The following HOMER2 variants were observed in gnomAD, a reference collection of about 807,000 sequenced individuals.
The protein encoded by HOMER2 is homer protein homolog 2.
A neutral mutation model predicts 47.0 loss-of-function variants in HOMER2; 27 were observed. The observed-to-expected ratio is 0.57, with a 90% CI of 0.42 to 0.79. The LOEUF (loss-of-function observed/expected upper bound fraction) is 0.79. Ranked by LOEUF, HOMER2 falls within the 30% of genes least tolerant of loss-of-function variation. The probability of loss-of-function intolerance (pLI) is 0.00; values close to 1 mark genes in which losing one functional copy is unlikely to be tolerated. For synonymous variants in HOMER2, 161 were observed against 163.8 expected (o/e 0.98, Z 0.13); for missense variants, 443 against 435.0 (o/e 1.02, Z -0.16).
intron 1 of HOMER2, among the ~76,000 whole-genome samples, chr15:82,895,569 A>G (rs976013706): frequency 6.6e-6 from 1 of 152,260 alleles, no homozygotes; most frequent in Non-Finnish European, 1.5e-5. Flanking sequence ...CGTGAAAGGA[A>G]GGAGCAATTT....
At chr15:82,952,224 A>C in intron 1 of HOMER2, 2 of 233,594 alleles carry the variant, frequency 8.6e-6, no homozygotes, top group Non-Finnish European at 1.4e-5. Context: ...AGACCGCGGA[A>C]TGGCCGAGGC....
At chr15:82,861,026 AAAG>A (rs1316748408) in intron 4 of HOMER2, among the ~76,000 whole-genome samples, 1 of 149,770 alleles carries the variant, frequency 6.7e-6, no homozygotes, top group African/African-American at 2.5e-5. Flanking sequence ...CAAAAGAAAA[AAAG>A]AGAAGAGAAA....
At chr15:82,912,354 T>C (rs920084222) in intron 1 of HOMER2, among the ~76,000 whole-genome samples, 3 of 152,234 alleles carry the variant, frequency 2.0e-5, no homozygotes, top group Non-Finnish European at 4.4e-5. Context: ...GCTTTTTATA[T>C]CTAGCTTTTC....
chr15:82,898,824 G>A (rs1367569390), intron 1 of HOMER2, among the ~76,000 whole-genome samples: 1 of 152,224 alleles, frequency 6.6e-6, no homozygotes, highest in Non-Finnish European at 1.5e-5. Flanking sequence ...GCAATGTTTA[G>A]CTCCACACTT....
At chr15:82,925,152 C>T (rs761758257) in intron 1 of HOMER2, among the ~76,000 whole-genome samples, 2 of 152,234 alleles carry the variant, frequency 1.3e-5, no homozygotes, top group African/African-American at 4.8e-5. Flanking sequence ...AGGATCTCCA[C>T]AGCCTTTCCC....
At chr15:82,956,071 C>T (rs1289206042), upstream of HOMER2, among the ~76,000 whole-genome samples, 2 of 151,948 alleles carry the variant, frequency 1.3e-5, no homozygotes, top group Non-Finnish European at 2.9e-5. Context: ...AAAACCCCAT[C>T]TTTACTAAAA....
chr15:82,860,955 A>AGAGAGAGAGAGAGAGAG (rs1555420258), intron 4 of HOMER2, among the ~76,000 whole-genome samples: 1 of 71,136 alleles, frequency 1.4e-5, no homozygotes, highest in Non-Finnish European at 2.8e-5. Context: ...AAGATAGAAG[A>AGAGAGAGAGAGAGAGAG]TGAGAGAGAG....
At chr15:82,896,230 A>G (rs568528353) in intron 1 of HOMER2, among the ~76,000 whole-genome samples, 1 of 152,128 alleles carries the variant, frequency 6.6e-6, no homozygotes, top group Non-Finnish European at 1.5e-5. Context: ...GCCTTCCGCA[A>G]GCACTCTCTG....
intron 1 of HOMER2, among the ~76,000 whole-genome samples, chr15:82,984,148 T>A (rs1257915726): frequency 6.6e-6 from 1 of 151,820 alleles, no homozygotes; most frequent in Non-Finnish European, 1.5e-5. Context: ...TTCTCCTGCC[T>A]CAGCCTCCCG....
intron 1 of HOMER2, among the ~76,000 whole-genome samples, chr15:82,974,137 G>A (rs1046177451): frequency 6.6e-6 from 1 of 152,050 alleles, no homozygotes; most frequent in African/African-American, 2.4e-5. Flanking sequence ...AGCCGTGGTA[G>A]CTCACACCTG....
rs1336889986 is a variant in HOMER2 at position 82,913,061 on chromosome 15, A to G, written c.6-20220T>C. ...GGGTGTAGAGAGACAAGAGGGAGTC[A>G]GGTAACTGTAAAGCAAATGGTTTTT... On this transcript the variant is annotated intron_variant, in intron 1 of 8. Coordinates refer to ENST00000450735, the MANE Select transcript of HOMER2 (RefSeq NM_004839.4). This position sits in a 1 kb window ranked among gnomAD's most constrained non-coding sequence, Gnocchi z 4.1. Among the ~76,000 whole-genome samples the G allele has an allele frequency of 6.6e-6, 1 of 152,262 alleles. No individual in the cohort carries two copies. The highest frequency in any genetic ancestry group is 1.5e-5 in the Non-Finnish European group (1 of 68,042).
At chr15:82,969,936 G>A (rs970379778) in intron 1 of HOMER2, among the ~76,000 whole-genome samples, 5 of 152,164 alleles carry the variant, frequency 3.3e-5, no homozygotes, top group Admixed American at 6.5e-5. Context: ...CCACACCCAT[G>A]GAATAAATGT....
upstream of HOMER2, among the ~76,000 whole-genome samples, chr15:82,955,345 A>G (rs1327673688): frequency 6.6e-6 from 1 of 151,228 alleles, no homozygotes; most frequent in East Asian, 2.0e-4. Flanking sequence ...ACTTTTTTGT[A>G]GTTTTAGTAG....
At chr15:82,952,074 T>C (rs1324471199) in intron 1 of HOMER2, 1 of 980,152 alleles carries the variant, frequency 1.0e-6, no homozygotes. Context: ...CCACTATTCC[T>C]ACGCTGGAGG....
exon 2 of HOMER2, chr15:82,842,096 AAGT>A (rs2051181890): frequency 6.6e-6 from 1 of 152,188 alleles, no homozygotes; most frequent in African/African-American, 2.4e-5. Flanking sequence ...TCATTTTTTA[AAGT>A]AGTAGGATCT....
At chr15:82,855,484 T>C (rs1245418680) in intron 5 of HOMER2, among the ~76,000 whole-genome samples, 1 of 152,170 alleles carries the variant, frequency 6.6e-6, no homozygotes, top group Non-Finnish European at 1.5e-5. Context: ...CCGGGTGACC[T>C]TCAAGAATCG....
rs2052898053 is a variant in HOMER2 at position 82,895,935 on chromosome 15, G to C, written c.6-3094C>G. ...GTGATTTTTACTTTCAAGGAAGCTG[G>C]GGAGACATTCACATTAGATATAATC... On this transcript the variant is annotated intron_variant, in intron 1 of 8. Coordinates refer to ENST00000450735, the MANE Select transcript of HOMER2 (RefSeq NM_004839.4). Among the ~76,000 whole-genome samples, 4 of 152,256 alleles carry C rather than the reference G, an allele frequency of 2.6e-5. No homozygotes were observed. The South Asian group carries it at 8.3e-4, about 32-fold the overall frequency.
intron 2 of HOMER2, among the ~76,000 whole-genome samples, chr15:82,879,089 C>G (rs2052442082): frequency 6.6e-6 from 1 of 152,216 alleles, no homozygotes; most frequent in Admixed American, 6.5e-5. Flanking sequence ...TAATTTCAGA[C>G]ATTGTTATTT....
At chr15:82,955,029 G>A (rs997090142), upstream of HOMER2, among the ~76,000 whole-genome samples, 2 of 152,098 alleles carry the variant, frequency 1.3e-5, no homozygotes, top group African/African-American at 2.4e-5. Context: ...GCCCACCTCA[G>A]CCTCCCAAAG....
Sources: allele counts gnomAD v4.1 joint callset (sites outside exome capture counted in the v4.1 genomes callset), GRCh38; gene constraint gnomAD v4.1.1; non-coding constraint Gnocchi (gnomAD v3.1); transcripts MANE v1.5; gene names NCBI Gene and HGNC (gene_info 2026-07-23, HGNC 2026-07-21).